The following RHOG variants were observed in gnomAD, a reference collection of about 807,000 sequenced individuals.
RHOG encodes rho-related GTP-binding protein RhoG.
In RHOG, 1 loss-of-function variant was observed where a neutral mutation model predicts 12.3. The ratio of observed to expected loss-of-function variants is 0.08; its 90% confidence interval spans 0.03 to 0.39. The LOEUF (loss-of-function observed/expected upper bound fraction) is 0.39, where lower values mean the gene tolerates loss of function less well. Among genes scored for constraint, RHOG ranks in the 10% least tolerant of loss-of-function variants. The pLI is 0.99. For missense variants in RHOG, 114 were observed against 266.2 expected (o/e 0.43, Z 3.98); for synonymous variants, 129 against 116.0 (o/e 1.11, Z -0.72).
intron 1 of RHOG, among the ~76,000 whole-genome samples, chr11:3,839,942 G>A (rs1472467957): frequency 2.0e-5 from 3 of 152,148 alleles, no homozygotes; most frequent in African/African-American, 7.2e-5. Context: ...CAAGGCCTAG[G>A]TATGACCGTA....
chr11:3,832,245 C>G (rs1327353334), intron 1 of RHOG, among the ~76,000 whole-genome samples: 1 of 152,144 alleles, frequency 6.6e-6, no homozygotes, highest in Non-Finnish European at 1.5e-5. Context: ...AGTACTATGC[C>G]TATTCTACAG....
chr11:3,831,523 T>C (rs1313458393), intron 1 of RHOG, among the ~76,000 whole-genome samples: 1 of 152,128 alleles, frequency 6.6e-6, no homozygotes, highest in Non-Finnish European at 1.5e-5. Flanking sequence ...TCTAGGCCAG[T>C]GGAGAGTCAA....
intron 1 of RHOG, among the ~76,000 whole-genome samples, chr11:3,833,643 TTC>T (rs1321355029): frequency 3.3e-5 from 5 of 152,182 alleles, no homozygotes; most frequent in Non-Finnish European, 7.4e-5. Flanking sequence ...TTCCTTATCT[TTC>T]AAATGCAGTG....
At position 3,827,757 on chromosome 11, in the gene RHOG, G is replaced by A. The variant is rs150425415; in HGVS notation, c.382C>T (p.Arg128Cys). 13 of 1,613,814 alleles carry A rather than the reference G, an allele frequency of 8.1e-6. No individual in the cohort carries two copies. The highest frequency in any genetic ancestry group is 4.4e-5 in the South Asian group (4 of 91,058). ...GGCGCCTGGCCCTGCTCCTTGAGGC[G>A]CCGTAGGGTGTCAGGCTGGGCTCTC... ...DLRAQPDTLR[R>C]LKEQGQAPIT... The change falls in exon 2 of 2, where the codon CGC becomes TGC. Residue 128 changes from arginine to cysteine, a missense_variant. By Grantham distance (180) the Arg-to-Cys change is radical. This residue lies in a region of RHOG where 61 missense variants were observed against 101.4 expected (regional missense o/e 0.60). Transcript: ENST00000351018. The surrounding 1 kb of genome is among the most constrained non-coding windows in gnomAD (Gnocchi z 7.3).
intron 1 of RHOG, among the ~76,000 whole-genome samples, chr11:3,839,020 G>A (rs1023629148): frequency 2.6e-5 from 4 of 152,184 alleles, no homozygotes; most frequent in Admixed American, 2.6e-4. Flanking sequence ...AGCCTAGGCA[G>A]GCCCCAGAAG....
At chr11:3,838,404 G>C (rs1018082437) in intron 1 of RHOG, among the ~76,000 whole-genome samples, 2 of 152,100 alleles carry the variant, frequency 1.3e-5, no homozygotes, top group Non-Finnish European at 2.9e-5. Context: ...GCTCAGTTAC[G>C]CAGAATACTA....
intron 1 of RHOG, among the ~76,000 whole-genome samples, chr11:3,839,566 T>C (rs559367632): frequency 5.1e-4 from 73 of 142,898 alleles, no homozygotes; most frequent in Non-Finnish European, 9.7e-4. Flanking sequence ...GATGAAGATG[T>C]AGATACACAG....
chr11:3,832,223 T>C (rs2090133939), intron 1 of RHOG, among the ~76,000 whole-genome samples: 1 of 152,226 alleles, frequency 6.6e-6, no homozygotes, highest in South Asian at 2.1e-4. Context: ...TTGACCTTTA[T>C]AACAACCTGT....
intron 1 of RHOG, among the ~76,000 whole-genome samples, chr11:3,839,155 G>A (rs922269845): frequency 6.6e-6 from 1 of 152,094 alleles, no homozygotes; most frequent in African/African-American, 2.4e-5. Context: ...CACCCAAGCT[G>A]GTCCCATTCT....
chr11:3,829,783 G>A (rs1342857196), intron 1 of RHOG, among the ~76,000 whole-genome samples: 1 of 151,970 alleles, frequency 6.6e-6, no homozygotes, highest in Non-Finnish European at 1.5e-5. Context: ...GTCTTGCTCT[G>A]TCGCCCAGGC....
At chr11:3,836,610 G>A (rs866695980) in intron 1 of RHOG, among the ~76,000 whole-genome samples, 1 of 151,326 alleles carries the variant, frequency 6.6e-6, no homozygotes, top group Admixed American at 6.6e-5. Flanking sequence ...CATAAAAGGT[G>A]AGCCTCAGCT....
At chr11:3,833,507 T>G (rs1215847781) in intron 1 of RHOG, among the ~76,000 whole-genome samples, 2 of 152,212 alleles carry the variant, frequency 1.3e-5, no homozygotes, top group African/African-American at 4.8e-5. Flanking sequence ...CATACTGGCA[T>G]TCAGAGTTCT....
chr11:3,833,240 C>T (rs989483415), intron 1 of RHOG, among the ~76,000 whole-genome samples: 2 of 152,224 alleles, frequency 1.3e-5, no homozygotes, highest in Middle Eastern at 3.4e-3. Flanking sequence ...GCTGGGACTA[C>T]AGGCAGGCAC....
chr11:3,829,450 C>T (rs2090113138), intron 1 of RHOG, among the ~76,000 whole-genome samples: 1 of 151,872 alleles, frequency 6.6e-6, no homozygotes, highest in Non-Finnish European at 1.5e-5. Flanking sequence ...GGAGTTTCGC[C>T]GTGTTAGCCA....
chr11:3,839,378 G>GTTCCCTTCATTCTGCTGGC (rs2090175704), intron 1 of RHOG, among the ~76,000 whole-genome samples: 1 of 151,974 alleles, frequency 6.6e-6, no homozygotes, highest in African/African-American at 2.4e-5. Context: ...CTCACTGCAG[G>GTTCCCTTCATTCTGCTGGC]TTCCCTTCAT....
At chr11:3,828,475 C>T (rs2090103082) in intron 1 of RHOG, among the ~76,000 whole-genome samples, 1 of 152,070 alleles carries the variant, frequency 6.6e-6, no homozygotes, top group Non-Finnish European at 1.5e-5. Flanking sequence ...GCTGTGTAAC[C>T]CTGAAAAAAT....
intron 1 of RHOG, among the ~76,000 whole-genome samples, chr11:3,831,156 C>T (rs569831465): frequency 5.5e-4 from 84 of 152,290 alleles, no homozygotes; most frequent in African/African-American, 2.0e-3. Context: ...ACCCCTTACC[C>T]CCCCAGCCTG....
At chr11:3,829,643 G>A (rs1450760298) in intron 1 of RHOG, among the ~76,000 whole-genome samples, 1 of 152,126 alleles carries the variant, frequency 6.6e-6, no homozygotes, top group Non-Finnish European at 1.5e-5. Flanking sequence ...GATTCAGTTG[G>A]ACCTGGGATT....
intron 1 of RHOG, among the ~76,000 whole-genome samples, chr11:3,828,587 C>T (rs2090103638): frequency 6.6e-6 from 1 of 150,558 alleles, no homozygotes; most frequent in South Asian, 2.1e-4. Flanking sequence ...ACATGTAAAG[C>T]ATTTAAAACA....
Sources: allele counts gnomAD v4.1 joint callset (sites outside exome capture counted in the v4.1 genomes callset), GRCh38; gene constraint gnomAD v4.1.1; regional missense constraint gnomAD v4.1.1; non-coding constraint Gnocchi (gnomAD v3.1); transcripts MANE v1.5; gene names NCBI Gene and HGNC (gene_info 2026-07-23, HGNC 2026-07-21).